The following PACRG variants were observed in gnomAD, a reference collection of about 807,000 sequenced individuals.
PACRG encodes parkin coregulated gene protein.
In PACRG, 29 loss-of-function variants were observed where a neutral mutation model predicts 29.7. That is an observed-to-expected ratio of 0.98 (90% CI 0.73 to 1.33). The LOEUF (loss-of-function observed/expected upper bound fraction) is 1.33. Among genes scored for constraint, PACRG ranks in the 40% most tolerant of loss-of-function variants. The probability of loss-of-function intolerance (pLI) is 0.00; values close to 1 mark genes in which losing one functional copy is unlikely to be tolerated. For synonymous variants in PACRG, 116 were observed against 118.7 expected, an observed-to-expected ratio of 0.98 and a Z score of 0.15; for missense variants, 279 against 316.2, an observed-to-expected ratio of 0.88 and a Z score of 0.89.
intron 4 of PACRG, among the ~76,000 whole-genome samples, chr6:163,211,163 C>G (rs1018872886): frequency 1.3e-5 from 2 of 152,000 alleles, no homozygotes; most frequent in African/African-American, 4.8e-5. Context: ...TAAAGCTGAC[C>G]TTTTTTTGAC....
chr6:162,774,978 G>C (rs1293871161), intron 1 of PACRG, among the ~76,000 whole-genome samples: 4 of 152,106 alleles, frequency 2.6e-5, no homozygotes, highest in African/African-American at 4.8e-5. Context: ...TTTACCCAAC[G>C]ATGGCCTCAG....
chr6:163,081,506 C>A (rs77412005), intron 3 of PACRG, among the ~76,000 whole-genome samples: 5 of 152,120 alleles, frequency 3.3e-5, no homozygotes, highest in African/African-American at 9.7e-5. Flanking sequence ...CTGTTAATCC[C>A]AACACTTTGG....
chr6:163,123,329 G>A (rs569437341), intron 4 of PACRG, among the ~76,000 whole-genome samples: 10 of 152,318 alleles, frequency 6.6e-5, no homozygotes, highest in East Asian at 3.9e-4. Context: ...AGAAGAGGGC[G>A]GGAACCGCCA....
chr6:163,150,741 G>A (rs2128338281), intron 4 of PACRG, among the ~76,000 whole-genome samples: 1 of 152,342 alleles, frequency 6.6e-6, no homozygotes, highest in African/African-American at 2.4e-5. Flanking sequence ...GGTAGTGACT[G>A]CTTTGACCAG....
chr6:162,962,444 G>C (rs1800701360), intron 2 of PACRG, among the ~76,000 whole-genome samples: 1 of 152,198 alleles, frequency 6.6e-6, no homozygotes, highest in Non-Finnish European at 1.5e-5. Context: ...AATGCCCCCA[G>C]ATTCACACCT....
At chr6:163,256,652 T>C (rs1179402555) in intron 4 of PACRG, among the ~76,000 whole-genome samples, 2 of 152,034 alleles carry the variant, frequency 1.3e-5, no homozygotes, top group African/African-American at 4.8e-5. Context: ...GTCGGTGCCT[T>C]GAAGGAGGCC....
chr6:163,283,665 G>A (rs1784294063), intron 4 of PACRG, among the ~76,000 whole-genome samples: 1 of 151,782 alleles, frequency 6.6e-6, no homozygotes, highest in African/African-American at 2.4e-5. Flanking sequence ...GCCGGGCGCG[G>A]TGGCGGGCGC....
intron 1 of PACRG, among the ~76,000 whole-genome samples, chr6:162,747,001 A>G (rs1444719413): frequency 6.6e-6 from 1 of 152,086 alleles, no homozygotes; most frequent in Admixed American, 6.6e-5. Flanking sequence ...CAAAGAAACC[A>G]GAAATGTTGG....
chr6:163,102,670 G>A (rs980114867), intron 4 of PACRG, among the ~76,000 whole-genome samples: 5 of 152,146 alleles, frequency 3.3e-5, no homozygotes, highest in Non-Finnish European at 7.3e-5. Context: ...CCCAACCAAA[G>A]CGCATTAGAG....
rs773419928 is a variant in PACRG, at chr6:163,314,990, GT to G, written c.*4del. The stretch of plus-strand genomic sequence containing the variant: ...ACGAGTCTTGCTTGCTAAACTAACA[GT>G]GGCAGCAGCTGGGACTTGAAACCTC... On this transcript the variant is annotated 3_prime_UTR_variant, in exon 5 of 5. Transcript: ENST00000366888. 38 of 1,612,482 alleles carry G rather than the reference GT, an allele frequency of 2.4e-5. No individual in the cohort carries two copies. The highest frequency in any genetic ancestry group is 1.0e-4 in the Admixed American group (6 of 59,884).
intron 4 of PACRG, among the ~76,000 whole-genome samples, chr6:163,138,633 C>A (rs1001396415): frequency 6.6e-6 from 1 of 152,110 alleles, no homozygotes; most frequent in Non-Finnish European, 1.5e-5. Flanking sequence ...TGACAGGAGG[C>A]GGAGCTCAGG....
At chr6:163,287,021 T>G (rs1026634601) in intron 4 of PACRG, among the ~76,000 whole-genome samples, 2 of 152,180 alleles carry the variant, frequency 1.3e-5, no homozygotes, top group Non-Finnish European at 2.9e-5. Flanking sequence ...TGAATGTGTG[T>G]ATGTGCGTGT....
chr6:163,130,540 C>T (rs1351521691), intron 4 of PACRG, among the ~76,000 whole-genome samples: 1 of 152,286 alleles, frequency 6.6e-6, no homozygotes, highest in East Asian at 1.9e-4. Context: ...AAGCATCTGA[C>T]CACAGCACCT....
At chr6:163,244,837 G>A (rs996307745) in intron 4 of PACRG, 2 of 257,302 alleles carry the variant, frequency 7.8e-6, no homozygotes, top group Admixed American at 9.7e-5. Context: ...TTTTAACCTT[G>A]GCAAACAAAG....
intron 4 of PACRG, among the ~76,000 whole-genome samples, chr6:163,205,736 C>T (rs1048026160): frequency 2.0e-5 from 3 of 152,144 alleles, no homozygotes; most frequent in Non-Finnish European, 4.4e-5. Context: ...TAAAGAGCTT[C>T]TGCACAGCAA....
chr6:163,089,256 T>C lies in PACRG; in HGVS notation c.464-3T>C, dbSNP rs1281256520. 5 of 1,613,144 alleles carry C rather than the reference T, an allele frequency of 3.1e-6. No homozygotes were observed. The highest frequency in any genetic ancestry group is 2.2e-5 in the East Asian group (1 of 44,860). Reference sequence around the variant, plus strand: ...TCTGCTTGGTCCTTCTTTTACCATATAGATGCCTTGAACCTCCGAAACCGA... The same window carrying C: ...TCTGCTTGGTCCTTCTTTTACCATACAGATGCCTTGAACCTCCGAAACCGA... On this transcript the variant is annotated splice_polypyrimidine_tract_variant and splice_region_variant and intron_variant, in intron 3 of 4. Coordinates refer to ENST00000366888, the MANE Select transcript of PACRG (RefSeq NM_001080379.2).
chr6:162,801,753 T>G (rs1785896288), intron 1 of PACRG, among the ~76,000 whole-genome samples: 2 of 152,106 alleles, frequency 1.3e-5, no homozygotes, highest in South Asian at 4.1e-4. Context: ...AGTGTATTGA[T>G]CTCATCAATA....
intron 4 of PACRG, among the ~76,000 whole-genome samples, chr6:163,291,722 G>A (rs1186409850): frequency 6.6e-6 from 1 of 152,218 alleles, no homozygotes; most frequent in African/African-American, 2.4e-5. Flanking sequence ...AAAGACAAAT[G>A]TCTTCCGACT....
chr6:162,958,884 T>TAG lies in PACRG; in HGVS notation c.292-103212_292-103211dup, dbSNP rs200270873. On this transcript the variant is annotated intron_variant, in intron 2 of 4. Coordinates refer to ENST00000366888, the MANE Select transcript of PACRG (RefSeq NM_001080379.2). ...ATATATATATATATATATATATATA[T>TAG]AGAGAGAGAGAGAGAGAGAGAGAGA... is the stretch of plus-strand genomic sequence containing the variant. 1.6e-3 allele frequency among the ~76,000 whole-genome samples: 34 copies of TAG among 21,168 alleles called. 2 individuals carry two copies. The highest frequency in any genetic ancestry group is 2.6e-3 in the Non-Finnish European group (27 of 10,588). The allele number at this position is 21,168 out of a possible 152,430, so 13.9% of individuals were successfully genotyped here. A position where few individuals can be genotyped will look rare whatever the true frequency, so the allele number is the denominator to read the frequency against.
Sources: allele counts gnomAD v4.1 joint callset (sites outside exome capture counted in the v4.1 genomes callset), GRCh38; gene constraint gnomAD v4.1.1; transcripts MANE v1.5; gene names NCBI Gene and HGNC (gene_info 2026-07-23, HGNC 2026-07-21).